The following RTCB variants were observed in gnomAD, a reference collection of about 807,000 sequenced individuals.
RTCB encodes the protein RNA-splicing ligase RTCB.
RTCB carries 32 observed loss-of-function variants against 58.2 expected under a neutral mutation model. That is an observed-to-expected ratio of 0.55 (90% CI 0.41 to 0.74). The LOEUF (loss-of-function observed/expected upper bound fraction) is 0.74. Among genes scored for constraint, RTCB ranks in the 30% least tolerant of loss-of-function variants. The pLI is 0.00. For missense variants in RTCB, 523 were observed against 639.0 expected (o/e 0.82, Z 1.96); for synonymous variants, 247 against 218.6 (o/e 1.13, Z -1.15).
At position 32,395,142 on chromosome 22, in the gene RTCB, T is replaced by C. The variant is rs1933224001; in HGVS notation, c.1063A>G (p.Ile355Val). 3.1e-6 allele frequency: 5 copies of C among 1,614,172 alleles called. No individual in the cohort carries two copies. The East Asian group carries it at 6.7e-5, about 22-fold the overall frequency. Residue 355 changes from isoleucine to valine, a missense_variant, in exon 9 of 12, where the codon ATT becomes GTT. Physicochemically the swap from Ile to Val is conservative, Grantham distance 29 (BLOSUM62 3). Transcript: ENST00000216038. ...LHVIYDVSHN[I>V]AKVEQHVVDG... ...ACCACATGCTGCTCCACTTTGGCAA[T>C]GTTGTGAGAAACATCATAGATCACA...
intron 11 of RTCB, among the ~76,000 whole-genome samples, chr22:32,388,624 CACAG>C (rs377160184): frequency 1.9e-4 from 29 of 151,426 alleles, no homozygotes; most frequent in East Asian, 1.2e-3. Flanking sequence ...TACCTACACT[CACAG>C]ACAATTTCTG....
chr22:32,394,845 G>A (rs771420130), intron 9 of RTCB, among the ~76,000 whole-genome samples, 181 bp downstream of exon 9: 1 of 152,116 alleles, frequency 6.6e-6, no homozygotes, highest in Non-Finnish European at 1.5e-5. Context: ...CGGCACCACC[G>A]CAAGCACAAA....
At chr22:32,392,636 C>T (rs1018260778) in intron 10 of RTCB, 3 of 513,250 alleles carry the variant, frequency 5.8e-6, no homozygotes, top group South Asian at 2.2e-5. Flanking sequence ...GCAACTCCCA[C>T]TAAACCATGA....
intron 4 of RTCB, among the ~76,000 whole-genome samples, chr22:32,404,426 G>C (rs1399812346): frequency 2.0e-5 from 3 of 152,184 alleles, no homozygotes; most frequent in East Asian, 3.9e-4. Context: ...CAAATATATG[G>C]ATTTTCTTTT....
chr22:32,392,117 C>A, intron 11 of RTCB, 123 bp downstream of exon 11: 2 of 1,025,050 alleles, frequency 2.0e-6, no homozygotes, highest in Non-Finnish European at 2.8e-6. Context: ...AAATTGAGGT[C>A]ATAAAAAAAA....
chr22:32,406,513 C>T (rs1019248126), intron 4 of RTCB, 149 bp downstream of exon 4: 6 of 488,380 alleles, frequency 1.2e-5, no homozygotes, highest in South Asian at 4.2e-5. Context: ...AATAGAGACA[C>T]GGTTTCACCA....
At chr22:32,403,406 CAAAA>C (rs1162217463) in intron 4 of RTCB, among the ~76,000 whole-genome samples, 2 of 138,172 alleles carry the variant, frequency 1.4e-5, no homozygotes, top group South Asian at 4.6e-4. Context: ...GACTCCGTCT[CAAAA>C]AAAAAAGAAA....
In RTCB at chr22:32,398,100, A is replaced by G. The variant is rs750059803; in HGVS notation, c.655T>C (p.Leu219=). ...TGGTTGCCTGCTCCCAGGGTCCCCA[A>G]CTGCAAATGTAAAAATGTCTGGTAA... ...ARAKKRGLPQ[L]GTLGAGNHYA... is the part of the protein sequence containing the mutation. Residue 219 remains leucine (L), a splice_region_variant and synonymous_variant, in exon 7 of 12, where the codon TTG becomes CTG. Coordinates refer to ENST00000216038, the MANE Select transcript of RTCB (RefSeq NM_014306.5). 6 of 1,611,468 alleles carry G rather than the reference A, an allele frequency of 3.7e-6. No homozygotes were observed. The highest frequency in any genetic ancestry group is 4.2e-6 in the Non-Finnish European group (5 of 1,179,334).
At position 32,396,134 on chromosome 22, in the gene RTCB, C is replaced by T; in HGVS notation, c.930G>A (p.Met310Ile). The change falls in exon 8 of 12, where the codon ATG becomes ATA. Residue 310 changes from methionine (M) to isoleucine (I), a missense_variant. By Grantham distance (10) the Met-to-Ile change is conservative. Transcript: ENST00000216038. The stretch of plus-strand genomic sequence containing the variant: ...CCCAGGCATAGTTCCCAGCAGCTGC[C>T]ATTCCCTTCAGATAGTCTTGACCCT... ...SPEGQDYLKG[M>I]AAAGNYAWVN... 1 of 1,614,132 alleles carries T rather than the reference C, an allele frequency of 6.2e-7. No individual in the cohort carries two copies. Among genetic ancestry groups the T allele is most frequent in the Admixed American group, 1.7e-5 (1 of 60,022 alleles).
intron 10 of RTCB, 105 bp from the exon 11 acceptor site, chr22:32,392,464 C>A (rs1933169958): frequency 7.0e-7 from 1 of 1,436,050 alleles, no homozygotes; most frequent in Non-Finnish European, 9.7e-7. Flanking sequence ...ATCTTTTTTA[C>A]TTTATCGAAT....
chr22:32,403,430 G>A (rs1290838828), intron 4 of RTCB, among the ~76,000 whole-genome samples: 1 of 151,996 alleles, frequency 6.6e-6, no homozygotes, highest in Non-Finnish European at 1.5e-5. Context: ...AAAAAAACCT[G>A]TATATATTTA....
chr22:32,401,711 C>T (rs956906672), intron 5 of RTCB, 36 bp downstream of exon 5: 14 of 1,601,676 alleles, frequency 8.7e-6, no homozygotes, highest in African/African-American at 1.3e-5. Flanking sequence ...GGTTATTATC[C>T]CTCCCATACC....
Position 32,406,755 on chromosome 22 carries a change from T to C in RTCB, c.247A>G (p.Ile83Val), listed in dbSNP as rs202023601. The C allele has an allele frequency of 9.8e-5, 157 of 1,609,272 alleles. 1 individual carries two copies. In the East Asian group the frequency reaches 2.1e-3, roughly 21 times the overall value. Residue 83 changes from isoleucine to valine, a missense_variant, in exon 4 of 12, where the codon ATT becomes GTT. Ile to Val is a conservative substitution (Grantham distance 29, BLOSUM62 3). Transcript: ENST00000216038. Reference sequence around the variant, plus strand: ...CCTGAATGGACATCAGGAAGCCCAATAGATCGCTGAAAAAGAATTAGAAAA... The same window carrying C: ...CCTGAATGGACATCAGGAAGCCCAACAGATCGCTGAAAAAGAATTAGAAAA... ...AALPGIVHRSIGLPDVHSGYG... is the reference protein window; with the variant it reads ...AALPGIVHRSVGLPDVHSGYG...
chr22:32,412,145 G>C lies in RTCB; in HGVS notation c.12C>G (p.Ser4Arg). 1 of 1,596,194 alleles carries C rather than the reference G, an allele frequency of 6.3e-7. No individual in the cohort carries two copies. Among genetic ancestry groups the C allele is most frequent in the Non-Finnish European group, 8.5e-7 (1 of 1,172,640 alleles). Residue 4 changes from serine (S) to arginine (R), a missense_variant, in exon 1 of 12, where the codon AGC (serine) becomes AGG (arginine). Transcript: ENST00000216038. ...CCAAGAACTGCAGCTCATCATTATA[G>C]CTGCGACTCATGGTGGCGAAAACTG... MSR[S>R]YNDELQFLEK... is the part of the protein sequence containing the mutation.
At chr22:32,402,678 T>C (rs1426223104) in intron 4 of RTCB, among the ~76,000 whole-genome samples, 1 of 131,548 alleles carries the variant, frequency 7.6e-6, no homozygotes, top group Non-Finnish European at 1.6e-5. Flanking sequence ...CTTGAACTCC[T>C]GATCTCATGA....
intron 1 of RTCB, among the ~76,000 whole-genome samples, chr22:32,410,206 G>T (rs554043443): frequency 6.6e-6 from 1 of 152,310 alleles, no homozygotes; most frequent in South Asian, 2.1e-4. Context: ...AGAATCTGAT[G>T]AGGAAGTGCC....
At chr22:32,398,746 A>G (rs1224593160) in intron 6 of RTCB, among the ~76,000 whole-genome samples, 1 of 152,248 alleles carries the variant, frequency 6.6e-6, no homozygotes, top group Non-Finnish European at 1.5e-5. Flanking sequence ...GACAAGGTCC[A>G]AGTTCAAATG....
chr22:32,408,967 C>T, intron 1 of RTCB, 134 bp from the exon 2 acceptor site: 1 of 641,968 alleles, frequency 1.6e-6, no homozygotes, highest in South Asian at 1.9e-5. Flanking sequence ...CTTAAGCACA[C>T]AGAAAACTTC....
chr22:32,394,679 CCA>C (rs774846507), intron 9 of RTCB, among the ~76,000 whole-genome samples: 2 of 152,140 alleles, frequency 1.3e-5, no homozygotes, highest in Non-Finnish European at 2.9e-5. Flanking sequence ...CTTTCGAACT[CCA>C]CCACAGCCAG....
Sources: allele counts gnomAD v4.1 joint callset (sites outside exome capture counted in the v4.1 genomes callset), GRCh38; gene constraint gnomAD v4.1.1; transcripts MANE v1.5; gene names NCBI Gene and HGNC (gene_info 2026-07-23, HGNC 2026-07-21).